CORO2A: variants seen among roughly 807,000 people sequenced by gnomAD.
The protein encoded by CORO2A is coronin 2A.
In CORO2A, 47 loss-of-function variants were observed where a neutral mutation model predicts 62.4. The ratio of observed to expected loss-of-function variants is 0.75; its 90% CI spans 0.60 to 0.96. The LOEUF (loss-of-function observed/expected upper bound fraction) is 0.96. CORO2A is among the 40% of genes least tolerant of loss of function. CORO2A has a pLI of 0.00. For synonymous variants in CORO2A, 273 were observed against 268.9 expected, an observed-to-expected ratio of 1.02 and a Z score of -0.15; for missense variants, 610 against 684.1, an observed-to-expected ratio of 0.89 and a Z score of 1.21.
chr9:98,138,229 A>G lies in CORO2A; in HGVS notation c.202-541T>C, dbSNP rs1827515036. ...CAGGAGTTCGAGACCAGCCTGGCCA[A>G]CATGGTGAAACCCTGTCTCTACTAA... On this transcript the variant is annotated intron_variant, in intron 2 of 11. Coordinates refer to ENST00000375077, the MANE Select transcript of CORO2A (RefSeq NM_052820.4). Among the ~76,000 whole-genome samples, 4 of 152,226 alleles carry G rather than the reference A, an allele frequency of 2.6e-5. No individual in the cohort carries two copies. The South Asian group carries it at 8.3e-4, about 32-fold the overall frequency.
intron 6 of CORO2A, 28 bp from the exon 7 acceptor site, chr9:98,131,087 C>A: frequency 6.5e-7 from 1 of 1,545,326 alleles, no homozygotes; most frequent in Non-Finnish European, 8.9e-7. Context: ...GCAGGGAAGG[C>A]CTGGGTCACT....
At chr9:98,148,511 G>C (rs1277995197) in intron 2 of CORO2A, among the ~76,000 whole-genome samples, 1 of 149,194 alleles carries the variant, frequency 6.7e-6, no homozygotes, top group Non-Finnish European at 1.5e-5. Flanking sequence ...AGTTTGGGGT[G>C]GGTGGATCAC....
intron 11 of CORO2A, 111 bp from the exon 12 acceptor site, chr9:98,125,016 G>T: frequency 8.0e-7 from 1 of 1,248,078 alleles, no homozygotes. Context: ...ACATTAACAT[G>T]GCTGAGGCCT....
At chr9:98,132,131 T>A in intron 6 of CORO2A, 54 bp downstream of exon 6, 1 of 1,315,040 alleles carries the variant, frequency 7.6e-7, no homozygotes, top group Non-Finnish European at 1.1e-6. Context: ...CATGAATGAA[T>A]GACACTGGCT....
rs931055343 is a variant in CORO2A, at chr9:98,126,281, G to A, written c.1446+268C>T. On this transcript the variant is annotated intron_variant, in intron 11 of 11. Coordinates refer to ENST00000375077, the MANE Select transcript of CORO2A (RefSeq NM_052820.4). Reference sequence around the variant, plus strand: ...GAACTCCTGACCTCATGATCTGCCCGCCTTGGCCTCCCAAAGTGCTGGGAT... The same window carrying A: ...GAACTCCTGACCTCATGATCTGCCCACCTTGGCCTCCCAAAGTGCTGGGAT... Among the ~76,000 whole-genome samples the A allele has an allele frequency of 3.9e-5, 6 of 151,924 alleles. No individual in the cohort carries two copies. In the South Asian group the frequency reaches 6.2e-4, roughly 16 times the overall value.
chr9:98,155,342 A>AT (rs11379239), intron 2 of CORO2A, among the ~76,000 whole-genome samples: 27,787 of 101,988 alleles, frequency 0.27, 4,607 homozygotes, highest in East Asian at 0.45. Context: ...TTATTGCTCA[A>AT]TTTTTTTTTT....
At chr9:98,156,711 C>A (rs1008630696) in intron 2 of CORO2A, among the ~76,000 whole-genome samples, 1 of 152,190 alleles carries the variant, frequency 6.6e-6, no homozygotes, top group East Asian at 1.9e-4. Flanking sequence ...TTTCAGCTGA[C>A]TCTCACTCAT....
At chr9:98,128,958 G>A (rs1294522396) in intron 8 of CORO2A, among the ~76,000 whole-genome samples, 1 of 152,148 alleles carries the variant, frequency 6.6e-6, no homozygotes, top group African/African-American at 2.4e-5. Flanking sequence ...TTTGACACAA[G>A]GTCTCACTCT....
At chr9:98,164,861 C>G (rs1349059989) in intron 1 of CORO2A, among the ~76,000 whole-genome samples, 1 of 152,166 alleles carries the variant, frequency 6.6e-6, no homozygotes, top group African/African-American at 2.4e-5. Context: ...TGGAGGGGTT[C>G]CAGGGAGGCA....
chr9:98,176,650 G>A (rs559769909), intron 1 of CORO2A, among the ~76,000 whole-genome samples: 1 of 152,212 alleles, frequency 6.6e-6, no homozygotes, highest in African/African-American at 2.4e-5. Flanking sequence ...TCCCCATTTT[G>A]GTTGCCCATG....
At chr9:98,125,178 G>T (rs1371332760) in intron 11 of CORO2A, among the ~76,000 whole-genome samples, 2 of 152,174 alleles carry the variant, frequency 1.3e-5, no homozygotes, top group African/African-American at 4.8e-5. Flanking sequence ...TGAAGTCTGG[G>T]GATTGGTGTT....
intron 1 of CORO2A, among the ~76,000 whole-genome samples, chr9:98,163,623 A>C (rs1415697290): frequency 2.0e-5 from 3 of 152,116 alleles, no homozygotes; most frequent in Non-Finnish European, 4.4e-5. Flanking sequence ...TGTTATGATG[A>C]GCAGTGCAGG....
At chr9:98,168,876 A>G (rs1539290) in intron 1 of CORO2A, among the ~76,000 whole-genome samples, 16,891 of 152,264 alleles carry the variant, frequency 0.11, 986 homozygotes, top group Middle Eastern at 0.14. Flanking sequence ...AGACACACAC[A>G]TGCAGAAGGC....
intron 7 of CORO2A, 83 bp downstream of exon 7, chr9:98,130,872 C>T (rs1827394002): frequency 8.6e-7 from 1 of 1,159,664 alleles, no homozygotes; most frequent in Admixed American, 2.0e-5. Context: ...CCATCCCTGC[C>T]CTGTGTTCCC....
At chr9:98,160,364 G>A (rs1337980644) in intron 1 of CORO2A, among the ~76,000 whole-genome samples, 1 of 152,160 alleles carries the variant, frequency 6.6e-6, no homozygotes, top group African/African-American at 2.4e-5. Context: ...CTAGGTGTGC[G>A]GCCAGGTCCA....
chr9:98,188,785 C>A (rs10985355), intron 1 of CORO2A, among the ~76,000 whole-genome samples: 1 of 151,782 alleles, frequency 6.6e-6, no homozygotes, highest in African/African-American at 2.4e-5. Flanking sequence ...ACAACAACAA[C>A]AACAAAAAAC....
At position 98,124,014 on chromosome 9, in the gene CORO2A, CT is replaced by C. The variant is rs111467436; in HGVS notation, c.*759del. 228 of 134,420 alleles carry C rather than the reference CT, an allele frequency of 1.7e-3. No individual in the cohort carries two copies. Among genetic ancestry groups the C allele is most frequent in the Admixed American group, 1.5e-3 (20 of 13,356 alleles). The allele number at this position is 134,420 out of a possible 1,614,324, so 8.3% of individuals were successfully genotyped here. On this transcript the variant is annotated 3_prime_UTR_variant, in exon 12 of 12. Coordinates refer to ENST00000375077, the MANE Select transcript of CORO2A (RefSeq NM_052820.4). ...CCATGTTGGCCAGGCTGGTTTCTTTCTTTTTTTTTTTTTTTTGAGACAGACT... is the reference window on the plus strand; with the variant it reads ...CCATGTTGGCCAGGCTGGTTTCTTTCTTTTTTTTTTTTTTTGAGACAGACT...
chr9:98,177,815 C>T (rs1213771347), intron 1 of CORO2A, among the ~76,000 whole-genome samples: 4 of 151,778 alleles, frequency 2.6e-5, no homozygotes, highest in Admixed American at 2.6e-4. Context: ...TCATCAACCT[C>T]GCAAGACAAA....
At chr9:98,192,250 G>A (rs1028367644) in intron 1 of CORO2A, among the ~76,000 whole-genome samples, 10 of 152,364 alleles carry the variant, frequency 6.6e-5, no homozygotes, top group East Asian at 3.9e-4. Context: ...GGCAGGAGGG[G>A]TGGGCGGTGC....
Sources: gnomAD v4.1 joint callset for allele counts (sites outside exome capture counted in the v4.1 genomes callset) on GRCh38, gnomAD v4.1.1 for gene constraint, MANE v1.5 for transcripts, NCBI Gene and HGNC (gene_info 2026-07-23, HGNC 2026-07-21) for gene names.